Variants in CAMSAP2 observed in about 807,000 individuals in gnomAD.
CAMSAP2 encodes calmodulin regulated spectrin associated protein family member 2, also known as calmodulin-regulated spectrin-associated protein 2.
In CAMSAP2, 26 loss-of-function variants were observed where a neutral mutation model predicts 146.1. That is an observed-to-expected ratio of 0.18 (90% CI 0.13 to 0.25). The LOEUF is 0.25. CAMSAP2 is among the 10% of genes least tolerant of loss of function. The pLI, the probability that CAMSAP2 is intolerant of heterozygous loss-of-function variation, is 1.00. For synonymous variants in CAMSAP2, 499 were observed against 596.6 expected, an observed-to-expected ratio of 0.84 and a Z score of 2.38; for missense variants, 1,381 against 1,759.3, an observed-to-expected ratio of 0.78 and a Z score of 3.85.
At position 200,739,791 on chromosome 1, in the gene CAMSAP2, G is replaced by T; in HGVS notation, c.-37G>T. Reference sequence around the variant, plus strand: ...GGTGGCGAGGCCACGCCATGTGAAGGTTAGGGCCGGGACATCCCGAGGAGC... The same window carrying T: ...GGTGGCGAGGCCACGCCATGTGAAGTTTAGGGCCGGGACATCCCGAGGAGC... On this transcript the variant is annotated 5_prime_UTR_variant, in exon 1 of 17. Coordinates refer to ENST00000358823, the MANE Select transcript of CAMSAP2 (RefSeq NM_203459.4). The surrounding 1 kb of genome is among the most constrained non-coding windows in gnomAD (Gnocchi z 4.8). 1 of 1,605,402 alleles carries T rather than the reference G, an allele frequency of 6.2e-7. No homozygotes were observed. The highest frequency in any genetic ancestry group is 8.5e-7 in the Non-Finnish European group (1 of 1,175,316).
At chr1:200,757,807 CTT>C (rs1391113034) in intron 1 of CAMSAP2, among the ~76,000 whole-genome samples, 3 of 152,126 alleles carry the variant, frequency 2.0e-5, no homozygotes, top group African/African-American at 2.4e-5. Context: ...TTGAAACAGT[CTT>C]TGATTAGCTG....
chr1:200,806,791 A>G (rs1477431178), intron 2 of CAMSAP2, among the ~76,000 whole-genome samples: 2 of 150,994 alleles, frequency 1.3e-5, no homozygotes, highest in Non-Finnish European at 3.0e-5. Context: ...CTATCTATCT[A>G]TCTATCTATC....
Position 200,858,031 on chromosome 1 carries a change from C to T in CAMSAP2, c.4409C>T (p.Pro1470Leu). The change falls in exon 17 of 17, where the codon CCC becomes CTC. Residue 1470 changes from proline to leucine, a missense_variant. Pro to Leu is a moderately conservative substitution (Grantham distance 98, BLOSUM62 -3). Around this residue, in one of 4 missense-constraint regions of CAMSAP2, gnomAD observed 90 missense variants for 174.4 expected, o/e 0.52. Transcript: ENST00000358823. Reference sequence around the variant, plus strand: ...TGGCAGACCAAAAGACCAGTAACACCCAAAAAACTTTTACCCACTAAGGCA... The same window carrying T: ...TGGCAGACCAAAAGACCAGTAACACTCAAAAAACTTTTACCCACTAAGGCA... ...HLWQTKRPVTPKKLLPTKA is the reference protein window; with the variant it reads ...HLWQTKRPVTLKKLLPTKA 3 of 1,593,904 alleles carry T rather than the reference C, an allele frequency of 1.9e-6. No individual in the cohort carries two copies. The highest frequency in any genetic ancestry group is 2.6e-6 in the Non-Finnish European group (3 of 1,172,464).
At chr1:200,847,086 C>T (rs1667476872) in intron 8 of CAMSAP2, 124 bp from the exon 9 acceptor site, 4 of 627,454 alleles carry the variant, frequency 6.4e-6, no homozygotes, top group Non-Finnish European at 1.1e-5. Flanking sequence ...CAATATGTTT[C>T]CATATTTTTA....
rs528274981 is a variant in CAMSAP2 at position 200,853,966 on chromosome 1, T to C, written c.3823+471T>C. ...AATATATTTTCTTTAAAAGTCAGTA[T>C]ACATACTCATTATTACTATTATTAT... On this transcript the variant is annotated intron_variant, in intron 13 of 16. Transcript: ENST00000358823. This position sits in a 1 kb window ranked among gnomAD's most constrained non-coding sequence, Gnocchi z 5.1. 2.6e-5 allele frequency among the ~76,000 whole-genome samples: 4 copies of C among 152,272 alleles called. No homozygotes were observed. The highest frequency in any genetic ancestry group is 2.0e-4 in the Admixed American group (3 of 15,296).
Position 200,848,130 on chromosome 1 carries a change from A to G in CAMSAP2, c.1361A>G (p.Asn454Ser), listed in dbSNP as rs147174162. The G allele has an allele frequency of 5.8e-4, 929 of 1,613,062 alleles. 3 individuals are homozygous for G. In the African/African-American group the frequency reaches 0.01, roughly 18 times the overall value. ...CGAGGAATCACTCGTTCTATTAGTAATGAAGGACTTACTCTGAACAACAGT... is the reference window on the plus strand; with the variant it reads ...CGAGGAATCACTCGTTCTATTAGTAGTGAAGGACTTACTCTGAACAACAGT... ...PNRGITRSIS[N>S]EGLTLNNSHV... Residue 454 changes from asparagine (N) to serine (S), a missense_variant, in exon 11 of 17, where the codon AAT becomes AGT. By Grantham distance (46) the Asn-to-Ser change is conservative. Around this residue, in one of 4 missense-constraint regions of CAMSAP2, gnomAD observed 447 missense variants for 462.2 expected, o/e 0.97. Transcript: ENST00000358823.
At chr1:200,817,126 GTA>G (rs1317812938) in intron 4 of CAMSAP2, among the ~76,000 whole-genome samples, 11 of 136,260 alleles carry the variant, frequency 8.1e-5, no homozygotes, top group East Asian at 4.7e-4. Context: ...GTATATACAC[GTA>G]TATATGTGTA....
chr1:200,821,745 G>A (rs1396878053), intron 4 of CAMSAP2, among the ~76,000 whole-genome samples: 1 of 152,062 alleles, frequency 6.6e-6, no homozygotes, highest in Admixed American at 6.5e-5. Flanking sequence ...CAACAACCTA[G>A]AGTACGTCCC....
intron 4 of CAMSAP2, among the ~76,000 whole-genome samples, chr1:200,823,234 A>G (rs1571801082): frequency 6.6e-6 from 1 of 152,158 alleles, no homozygotes; most frequent in Admixed American, 6.5e-5. Flanking sequence ...TTTCTCTACT[A>G]TCTGAATGAG....
At chr1:200,781,634 C>T (rs1269788495) in intron 2 of CAMSAP2, among the ~76,000 whole-genome samples, 4 of 151,910 alleles carry the variant, frequency 2.6e-5, no homozygotes, top group Admixed American at 2.0e-4. Flanking sequence ...CTCAACCTCC[C>T]GGGCTCAGGT....
intron 2 of CAMSAP2, among the ~76,000 whole-genome samples, chr1:200,777,501 C>G (rs549059813): frequency 1.8e-4 from 27 of 152,040 alleles, no homozygotes; most frequent in African/African-American, 6.5e-4. Flanking sequence ...AGAGATAAAT[C>G]GTATTGAACA....
chr1:200,807,635 T>A, intron 3 of CAMSAP2, 98 bp downstream of exon 3: 1 of 931,318 alleles, frequency 1.1e-6, no homozygotes, highest in Non-Finnish European at 1.5e-6. Flanking sequence ...TTGTTTCAAA[T>A]CAAAGTGCAA....
intron 1 of CAMSAP2, among the ~76,000 whole-genome samples, chr1:200,740,480 C>T (rs73086620): frequency 0.1 from 15,448 of 152,218 alleles, 827 homozygotes; most frequent in Middle Eastern, 0.14. Context: ...TGTTGTCATT[C>T]TTTAAGGCTG....
intron 2 of CAMSAP2, among the ~76,000 whole-genome samples, chr1:200,793,618 C>T (rs896756061): frequency 4.2e-4 from 64 of 152,094 alleles, no homozygotes; most frequent in African/African-American, 1.5e-3. Context: ...ACACTTGTAT[C>T]CTGTTGCTCT....
intron 2 of CAMSAP2, among the ~76,000 whole-genome samples, chr1:200,800,903 T>C (rs1666017720): frequency 3.9e-5 from 6 of 152,204 alleles, no homozygotes; most frequent in Admixed American, 2.6e-4. Flanking sequence ...GTAAAGGATT[T>C]TATTTCTCCT....
In CAMSAP2 at chr1:200,766,011, T is replaced by C. The variant is rs558811555; in HGVS notation, c.399+4913T>C. On this transcript the variant is annotated intron_variant, in intron 2 of 16. Transcript: ENST00000358823. ...TACAGAATCATGGAATAGATTTTCATACTATATTACAAAACACTTGGAAGC... is the reference window on the plus strand; with the variant it reads ...TACAGAATCATGGAATAGATTTTCACACTATATTACAAAACACTTGGAAGC... Among the ~76,000 whole-genome samples the C allele has an allele frequency of 9.8e-5, 15 of 152,326 alleles. No individual in the cohort carries two copies. In the South Asian group the frequency reaches 1.7e-3, roughly 17 times the overall value.
intron 4 of CAMSAP2, among the ~76,000 whole-genome samples, chr1:200,826,054 C>T (rs181768684): frequency 4.3e-4 from 66 of 152,212 alleles, no homozygotes; most frequent in Non-Finnish European, 7.9e-4. Flanking sequence ...TAAATGTTGA[C>T]GAAATCCCCT....
chr1:200,825,268 G>A (rs1666875713), intron 4 of CAMSAP2, among the ~76,000 whole-genome samples: 1 of 151,890 alleles, frequency 6.6e-6, no homozygotes, highest in African/African-American at 2.4e-5. Flanking sequence ...CTATATAAAT[G>A]GTATACTCAG....
At chr1:200,794,690 G>A (rs1465818401) in intron 2 of CAMSAP2, among the ~76,000 whole-genome samples, 1 of 152,182 alleles carries the variant, frequency 6.6e-6, no homozygotes, top group East Asian at 1.9e-4. Flanking sequence ...ATTGCCTCCT[G>A]TGCCTGCCTT....
Sources: allele counts gnomAD v4.1 joint callset (sites outside exome capture counted in the v4.1 genomes callset), GRCh38; gene constraint gnomAD v4.1.1; regional missense constraint gnomAD v4.1.1; non-coding constraint Gnocchi (gnomAD v3.1); transcripts MANE v1.5; gene names NCBI Gene and HGNC (gene_info 2026-07-23, HGNC 2026-07-21).